AXL: variants seen among roughly 807,000 people sequenced by gnomAD.
AXL encodes the protein AXL receptor tyrosine kinase.
In AXL, 52 loss-of-function variants were observed where a neutral mutation model predicts 104.5. That is an observed-to-expected ratio of 0.50 (90% CI 0.40 to 0.63). AXL has a LOEUF of 0.63. Ranked by LOEUF, AXL falls within the 20% of genes least tolerant of loss-of-function variation. AXL has a pLI of 0.00. For missense variants in AXL, 1,024 were observed against 1,188.5 expected, an observed-to-expected ratio of 0.86 and a Z score of 2.04; for synonymous variants, 455 against 473.7, an observed-to-expected ratio of 0.96 and a Z score of 0.51.
At position 41,252,438 on chromosome 19, in the gene AXL, T is replaced by G. The variant is rs769156846; in HGVS notation, c.1799T>G (p.Leu600Arg). 6.2e-7 allele frequency: 1 copy of G among 1,613,950 alleles called. No homozygotes were observed. The highest frequency in any genetic ancestry group is 1.1e-5 in the South Asian group (1 of 91,080). The change falls in exon 15 of 20, where the codon CTC (leucine) becomes CGC (arginine). Residue 600 changes from leucine (L) to arginine (R), a missense_variant. Around this residue, in one of 5 missense-constraint regions of AXL, gnomAD observed 523 missense variants for 636.0 expected, o/e 0.82. Coordinates refer to ENST00000301178, the MANE Select transcript of AXL (RefSeq NM_021913.5). ...TTTGACCATCCCAACGTCATGAGGC[T>G]CATCGGTGAGAGAGGGGCAGATTCA... ...KEFDHPNVMR[L>R]IGVCFQGSER...
chr19:41,232,084 A>G (rs1009085099), intron 6 of AXL, among the ~76,000 whole-genome samples: 5 of 152,120 alleles, frequency 3.3e-5, no homozygotes, highest in Non-Finnish European at 7.4e-5. Context: ...GATACCCAGA[A>G]CCCTCCACTT....
chr19:41,259,503 C>T (rs1568420046), intron 19 of AXL, 50 bp from the exon 20 acceptor site: 3 of 1,486,138 alleles, frequency 2.0e-6, no homozygotes, highest in East Asian at 4.6e-5. Context: ...CCAGAATGCA[C>T]CCCTTCTGAG....
At chr19:41,249,968 G>A (rs369452629) in intron 14 of AXL, among the ~76,000 whole-genome samples, 12 of 152,244 alleles carry the variant, frequency 7.9e-5, no homozygotes, top group East Asian at 7.7e-4. Context: ...TTCAGGGGCC[G>A]GCCCACTGTG....
At chr19:41,232,837 G>A (rs557232302) in intron 6 of AXL, among the ~76,000 whole-genome samples, 61 of 152,138 alleles carry the variant, frequency 4.0e-4, no homozygotes, top group African/African-American at 1.5e-3. Flanking sequence ...TTGCATTAAC[G>A]CACACCTGCT....
intron 1 of AXL, 143 bp from the exon 2 acceptor site, chr19:41,220,493 C>T (rs911559302): frequency 4.4e-6 from 3 of 674,180 alleles, no homozygotes; most frequent in African/African-American, 1.8e-5. Flanking sequence ...CCCTCCACCC[C>T]ACTCTGAGGT....
At chr19:41,244,116 A>T (rs1451947497) in intron 12 of AXL, among the ~76,000 whole-genome samples, 1 of 152,038 alleles carries the variant, frequency 6.6e-6, no homozygotes, top group Non-Finnish European at 1.5e-5. Flanking sequence ...AGGTAGGAGG[A>T]TCACCTGAGC....
chr19:41,244,169 C>T (rs927896408), intron 12 of AXL, among the ~76,000 whole-genome samples: 2 of 151,822 alleles, frequency 1.3e-5, no homozygotes, highest in African/African-American at 4.8e-5. Flanking sequence ...CACACCACTG[C>T]ACTCCAGCCT....
intron 4 of AXL, among the ~76,000 whole-genome samples, chr19:41,224,239 C>T (rs2033841165): frequency 6.6e-6 from 1 of 151,916 alleles, no homozygotes; most frequent in Non-Finnish European, 1.5e-5. Flanking sequence ...TGGTGCACAC[C>T]TCTCTGTATG....
intron 14 of AXL, 66 bp from the exon 15 acceptor site, chr19:41,252,280 ATGGAG>A (rs2034377096): frequency 1.7e-6 from 2 of 1,185,478 alleles, no homozygotes; most frequent in Middle Eastern, 1.9e-4. Flanking sequence ...GATGATGATG[ATGGAG>A]TGGAGGTGGA....
At chr19:41,238,317 C>A (rs1384758852) in intron 7 of AXL, among the ~76,000 whole-genome samples, 153 bp from the exon 8 acceptor site, 1 of 152,210 alleles carries the variant, frequency 6.6e-6, no homozygotes, top group East Asian at 1.9e-4. Flanking sequence ...GGCCTCTCTC[C>A]CAGCCCTTCT....
intron 4 of AXL, among the ~76,000 whole-genome samples, chr19:41,226,222 C>A (rs1284152011): frequency 6.6e-6 from 1 of 152,100 alleles, no homozygotes; most frequent in Non-Finnish European, 1.5e-5. Flanking sequence ...ATGCTGCGGT[C>A]GGAACGGGAC....
intron 6 of AXL, among the ~76,000 whole-genome samples, chr19:41,234,717 A>T (rs769560177): frequency 1.3e-5 from 2 of 152,244 alleles, no homozygotes; most frequent in African/African-American, 2.4e-5. Context: ...CACTCACTCT[A>T]GGTCACACAG....
chr19:41,239,388 T>G (rs2034140998), intron 9 of AXL, 74 bp downstream of exon 9: 6 of 1,519,838 alleles, frequency 3.9e-6, no homozygotes, highest in Non-Finnish European at 5.3e-6. Flanking sequence ...CCTTGTACCT[T>G]TCAGTGTTAC....
In AXL at chr19:41,248,762, G is replaced by A; in HGVS notation, c.1653G>A (p.Met551Ile). ...TLGEGEFGAV[M>I]EGQLNQDDSI... ...CCACAGGAGAGTTTGGAGCTGTGAT[G>A]GAAGGCCAGCTCAACCAGGACGACT... is the stretch of plus-strand genomic sequence containing the variant. The change falls in exon 14 of 20, where the codon ATG becomes ATA. Residue 551 changes from methionine to isoleucine, a missense_variant. Physicochemically the swap from Met to Ile is conservative, Grantham distance 10 (BLOSUM62 1). Transcript: ENST00000301178. 1 of 1,614,088 alleles carries A rather than the reference G, an allele frequency of 6.2e-7. No individual in the cohort carries two copies. The highest frequency in any genetic ancestry group is 1.1e-5 in the South Asian group (1 of 91,064).
At chr19:41,235,859 C>A (rs925117950) in intron 6 of AXL, among the ~76,000 whole-genome samples, 1 of 152,156 alleles carries the variant, frequency 6.6e-6, no homozygotes, top group Non-Finnish European at 1.5e-5. Context: ...CTAAGAAAGG[C>A]ACTCAGTACA....
intron 6 of AXL, among the ~76,000 whole-genome samples, chr19:41,234,961 C>G (rs774462739): frequency 6.6e-6 from 1 of 152,198 alleles, no homozygotes; most frequent in Non-Finnish European, 1.5e-5. Flanking sequence ...GTGGTGGCCC[C>G]CTCCACTCTG....
chr19:41,221,836 G>C, intron 3 of AXL, 44 bp from the exon 4 acceptor site: 11 of 1,593,972 alleles, frequency 6.9e-6, no homozygotes, highest in Non-Finnish European at 9.4e-6. Context: ...GGCATCTTGG[G>C]GCCTCAGAGG....
intron 3 of AXL, 148 bp from the exon 4 acceptor site, chr19:41,221,732 G>T (rs1032932727): frequency 1.9e-5 from 15 of 791,352 alleles, no homozygotes; most frequent in Non-Finnish European, 2.7e-5. Context: ...TGTTGGGTAT[G>T]GCTCAGGTGC....
intron 4 of AXL, among the ~76,000 whole-genome samples, chr19:41,224,530 G>T (rs1389417642): frequency 6.6e-6 from 1 of 152,072 alleles, no homozygotes. Flanking sequence ...CTATAGGCAT[G>T]TGCCACCATA....
Sources: gnomAD v4.1 joint callset for allele counts (sites outside exome capture counted in the v4.1 genomes callset) on GRCh38, gnomAD v4.1.1 for gene constraint, gnomAD v4.1.1 regional missense constraint, MANE v1.5 for transcripts, NCBI Gene and HGNC (gene_info 2026-07-23, HGNC 2026-07-21) for gene names.